CDCA5: variants seen among roughly 807,000 people sequenced by gnomAD.
CDCA5 encodes sororin.
Under a neutral mutation model 25.7 loss-of-function variants are expected in CDCA5, and 14 were observed. The observed-to-expected ratio is 0.54, with a 90% CI of 0.36 to 0.85. CDCA5 has a LOEUF of 0.85. Among genes scored for constraint, CDCA5 ranks in the 40% least tolerant of loss-of-function variants. CDCA5 has a pLI of 0.01. For synonymous variants in CDCA5, 127 were observed against 128.7 expected (o/e 0.99, Z 0.09); for missense variants, 307 against 324.5 (o/e 0.95, Z 0.41).
In CDCA5 at chr11:65,070,944, CTTT is replaced by C. The variant is rs56999278; in HGVS notation, c.64-2346_64-2344del. Among the ~76,000 whole-genome samples the C allele has an allele frequency of 1.2e-3, 164 of 138,370 alleles. 1 individual carries two copies. The highest frequency in any genetic ancestry group is 1.7e-3 in the Non-Finnish European group (109 of 63,798). The allele number at this position is 138,370 out of a possible 152,430, so 90.8% of individuals were successfully genotyped here. ...AGTTTGGGATTTTGGATTTTCTTTT[CTTT>C]TTTTTTTTTTTTGAGACAGAGTCTC... On this transcript the variant is annotated intron_variant, in intron 1 of 6. Transcript: ENST00000525464.
At chr11:65,071,410 G>A (rs1449403211) in intron 1 of CDCA5, among the ~76,000 whole-genome samples, 4 of 147,902 alleles carry the variant, frequency 2.7e-5, no homozygotes, top group South Asian at 2.2e-4. Context: ...GTAGTGGTGC[G>A]ATCTCGGATC....
At chr11:65,079,277 C>T (rs1378688879) in intron 5 of CDCA5, 76 bp downstream of exon 5, 1 of 1,610,438 alleles carries the variant, frequency 6.2e-7, no homozygotes, top group South Asian at 1.1e-5. Context: ...CTGCCTATCC[C>T]CCAAAAGAGC....
chr11:65,079,324 GCA>G (rs767880903), intron 5 of CDCA5, 27 bp downstream of exon 5: 1 of 1,613,856 alleles, frequency 6.2e-7, no homozygotes, highest in South Asian at 1.1e-5. Flanking sequence ...AGAGCACACG[GCA>G]GAGAAAAACC....
Position 65,077,989 on chromosome 11 carries a change from A to T in CDCA5, c.*1118T>A, listed in dbSNP as rs556255445. The T allele has an allele frequency of 2.0e-6, 2 of 985,476 alleles. No individual in the cohort carries two copies. The highest frequency in any genetic ancestry group is 3.5e-5 in the African/African-American group (2 of 57,354). The allele number at this position is 985,476 out of a possible 1,614,324, so 61.0% of individuals were successfully genotyped here. On this transcript the variant is annotated 3_prime_UTR_variant, in exon 6 of 6. Coordinates refer to ENST00000275517, the MANE Select transcript of CDCA5 (RefSeq NM_080668.4). The stretch of plus-strand genomic sequence containing the variant: ...CACACTATTGAATCCACACGATGGA[A>T]AGAAGAGAAAGATGGGGAAATTCTC...
chr11:65,062,912 C>A (rs1217330677), downstream of CDCA5, among the ~76,000 whole-genome samples: 1 of 152,110 alleles, frequency 6.6e-6, no homozygotes, highest in Non-Finnish European at 1.5e-5. Context: ...TAAGTTCTAC[C>A]AGGGCAGACA....
intron 4 of CDCA5, among the ~76,000 whole-genome samples, chr11:65,081,051 G>GTACT (rs1415351371): frequency 6.6e-6 from 1 of 152,184 alleles, no homozygotes; most frequent in East Asian, 1.9e-4. Flanking sequence ...AGGCCACAGT[G>GTACT]TACTAGTCAG....
chr11:65,062,799 T>G (rs1947197592), downstream of CDCA5, among the ~76,000 whole-genome samples: 1 of 152,110 alleles, frequency 6.6e-6, no homozygotes, highest in African/African-American at 2.4e-5. Context: ...ATTGCATTCC[T>G]CCCCCTCCCT....
In CDCA5 at chr11:65,083,588, G is replaced by A; in HGVS notation, c.142-38C>T. 2.5e-6 allele frequency: 4 copies of A among 1,614,206 alleles called. No individual in the cohort carries two copies. The South Asian group carries it at 3.3e-5, about 13-fold the overall frequency. On this transcript the variant is annotated intron_variant, in intron 2 of 5. Coordinates refer to ENST00000275517, the MANE Select transcript of CDCA5 (RefSeq NM_080668.4). ...GATGAACGTGAGCTCAACATTAGGT[G>A]AGGGGCCACAAGGGGAGGAAGTGAG...
chr11:65,063,087 A>G (rs1381245889), downstream of CDCA5, among the ~76,000 whole-genome samples: 1 of 152,186 alleles, frequency 6.6e-6, no homozygotes, highest in African/African-American at 2.4e-5. Flanking sequence ...GTTCAGAGCA[A>G]TAAGAGATGT....
At chr11:65,082,777 A>G (rs760877235) in intron 4 of CDCA5, among the ~76,000 whole-genome samples, 2 of 151,964 alleles carry the variant, frequency 1.3e-5, no homozygotes, top group Non-Finnish European at 2.9e-5. Context: ...TTGTCTTTAA[A>G]GACTCAGTTC....
chr11:65,076,562 G>C (rs553918326), downstream of CDCA5, among the ~76,000 whole-genome samples: 2 of 152,242 alleles, frequency 1.3e-5, no homozygotes, highest in African/African-American at 4.8e-5. Context: ...CCTCTGGGTG[G>C]GGGAAGGAGG....
At chr11:65,067,436 C>T (rs568786508) in intron 4 of CDCA5, among the ~76,000 whole-genome samples, 4 of 152,298 alleles carry the variant, frequency 2.6e-5, no homozygotes, top group African/African-American at 7.2e-5. Context: ...GAGGGGCGAG[C>T]GGCCATGGGA....
chr11:65,068,164 T>TCA, intron 2 of CDCA5: 3 of 1,201,644 alleles, frequency 2.5e-6, no homozygotes, highest in Non-Finnish European at 2.2e-6. Flanking sequence ...TCACGGCTGC[T>TCA]CACCCAAGAG....
At chr11:65,073,503 G>A (rs184024469), downstream of CDCA5, among the ~76,000 whole-genome samples, 276 of 152,256 alleles carry the variant, frequency 1.8e-3, 1 homozygote, top group Middle Eastern at 0.017. Context: ...GGCTCCCCAG[G>A]TGACGCAGGA....
intron 4 of CDCA5, 118 bp downstream of exon 4, chr11:65,083,246 A>C: frequency 1.7e-6 from 2 of 1,189,664 alleles, no homozygotes; most frequent in Non-Finnish European, 2.5e-6. Context: ...CCCACAGGCA[A>C]ACTGTTTTTG....
intron 4 of CDCA5, among the ~76,000 whole-genome samples, chr11:65,080,610 A>T (rs1947545891): frequency 6.6e-6 from 1 of 151,722 alleles, no homozygotes; most frequent in Admixed American, 6.6e-5. Flanking sequence ...AGAGTAGGGG[A>T]GGTCTCCCTT....
chr11:65,071,538 C>T (rs1017811948), intron 1 of CDCA5, among the ~76,000 whole-genome samples: 4 of 151,954 alleles, frequency 2.6e-5, no homozygotes, highest in African/African-American at 9.7e-5. Context: ...TGGTCTCGAA[C>T]CCCTAACCTG....
At position 65,079,767 on chromosome 11, in the gene CDCA5, T is replaced by C. The variant is rs1404164015; in HGVS notation, c.264A>G (p.Lys88=). The change falls in exon 5 of 6, where the codon AAA becomes AAG. Residue 88 remains lysine, a synonymous_variant. Coordinates refer to ENST00000275517, the MANE Select transcript of CDCA5 (RefSeq NM_080668.4). ...RSPRISFFLE[K]ENEPPGRELT... ...GCTCCCTGCCAGGGGGCTCGTTTTC[T>C]TTCTCCAAGAAAAAGGAAATCTGCA... 1.4e-6 allele frequency: 2 copies of C among 1,477,896 alleles called. No homozygotes were observed. Among genetic ancestry groups the C allele is most frequent in the Non-Finnish European group, 1.8e-6 (2 of 1,113,310 alleles). 91.5% of individuals were successfully genotyped at this position (1,477,896 alleles called of 1,614,324 possible).
rs1239116231 is a variant in CDCA5, at chr11:65,068,453, C to T, written c.177+35G>A. 1.0e-5 allele frequency: 12 copies of T among 1,198,806 alleles called. No homozygotes were observed. The East Asian group carries it at 4.0e-4, about 40-fold the overall frequency. The allele number at this position is 1,198,806 out of a possible 1,614,324, so 74.3% of individuals were successfully genotyped here. Reference sequence around the variant, plus strand: ...TCTCCAGCTCTCCTGCCTCCCCTGCCCACTGCCTTAGGAGGCCCTGGGGTT... The same window carrying T: ...TCTCCAGCTCTCCTGCCTCCCCTGCTCACTGCCTTAGGAGGCCCTGGGGTT... On this transcript the variant is annotated intron_variant, in intron 2 of 6. Transcript: ENST00000525464.
Sources: gnomAD v4.1 joint callset for allele counts (sites outside exome capture counted in the v4.1 genomes callset) on GRCh38, gnomAD v4.1.1 for gene constraint, MANE v1.5 for transcripts, NCBI Gene and HGNC (gene_info 2026-07-23, HGNC 2026-07-21) for gene names.